SLC22A14: variants seen among roughly 807,000 people sequenced by gnomAD.
SLC22A14 encodes solute carrier family 22 member 14, also known as organic cation transporter-like 4.
SLC22A14 carries 50 observed loss-of-function variants against 53.9 expected under a neutral mutation model. The ratio of observed to expected loss-of-function variants is 0.93; its 90% CI spans 0.74 to 1.17. The LOEUF (loss-of-function observed/expected upper bound fraction) is 1.17, where lower values mean the gene tolerates loss of function less well. Among genes scored for constraint, SLC22A14 ranks in the 50% most tolerant of loss-of-function variants. SLC22A14 has a pLI of 0.00. For missense variants in SLC22A14, 671 were observed against 734.7 expected (o/e 0.91, Z 1.00); for synonymous variants, 312 against 303.0 (o/e 1.03, Z -0.31).
chr3:38,297,553 T>C lies in SLC22A14; in HGVS notation c.1-8474T>C, dbSNP rs568289985. On this transcript the variant is annotated intron_variant, in intron 1 of 10. Coordinates refer to ENST00000448498, the MANE Select transcript of SLC22A14 (RefSeq NM_001320033.2). ...GTCCCATGGTGGTTTGCTGCATGGA[T>C]CAATCCATCACCTAAGTATTAAGCC... Among the ~76,000 whole-genome samples, 8 of 152,270 alleles carry C rather than the reference T, an allele frequency of 5.3e-5. No homozygotes were observed. The South Asian group carries it at 1.5e-3, about 28-fold the overall frequency.
intron 1 of SLC22A14, among the ~76,000 whole-genome samples, chr3:38,298,616 C>T (rs140274689): frequency 3.3e-5 from 5 of 152,114 alleles, no homozygotes; most frequent in East Asian, 1.9e-4. Flanking sequence ...CAGGCAGTGG[C>T]GCCATCTCAG....
In SLC22A14 at chr3:38,315,682, C is replaced by T. The variant is rs1307209839; in HGVS notation, c.1503C>T (p.Tyr501=). 1.3e-5 allele frequency: 21 copies of T among 1,613,912 alleles called. No homozygotes were observed. Among genetic ancestry groups the T allele is most frequent in the East Asian group, 2.2e-5 (1 of 44,892 alleles). ...LAATVTVFFL[Y]TAELLPTVLR... ...CCACTGTCACTGTGTTCTTCCTCTACACCGCTGAGCTCCTCCCCACTGTGC... is the reference window on the plus strand; with the variant it reads ...CCACTGTCACTGTGTTCTTCCTCTATACCGCTGAGCTCCTCCCCACTGTGC... The change falls in exon 9 of 11, where the codon TAC becomes TAT. Residue 501 remains tyrosine (Y), a synonymous_variant. Transcript: ENST00000448498.
intron 1 of SLC22A14, among the ~76,000 whole-genome samples, chr3:38,289,701 T>C (rs1448653990): frequency 6.6e-6 from 1 of 152,146 alleles, no homozygotes; most frequent in Non-Finnish European, 1.5e-5. Flanking sequence ...GGAGTGGCAA[T>C]GGGCGCCTCA....
chr3:38,311,550 C>T, intron 5 of SLC22A14, among the ~76,000 whole-genome samples: 1 of 152,338 alleles, frequency 6.6e-6, no homozygotes, highest in African/African-American at 2.4e-5. Flanking sequence ...ATTTGTTTCT[C>T]TCTTCTCACA....
At position 38,316,413 on chromosome 3, in the gene SLC22A14, C is replaced by G; in HGVS notation, c.1622C>G (p.Pro541Arg). ...ATCAGCCAGACCCCCTCCCTCCTGC[C>G]CATCTTTCTCTGCTGCGTCTTAGCC... ...TIISQTPSLL[P>R]IFLCCVLAIV... The change falls in exon 10 of 11, where the codon CCC becomes CGC. Residue 541 changes from proline to arginine, a missense_variant. Pro to Arg is a moderately radical substitution (Grantham distance 103, BLOSUM62 -2). Transcript: ENST00000448498. 1 of 1,614,220 alleles carries G rather than the reference C, an allele frequency of 6.2e-7. No individual in the cohort carries two copies. The highest frequency in any genetic ancestry group is 8.5e-7 in the Non-Finnish European group (1 of 1,180,030).
chr3:38,290,124 G>A (rs1246251229), intron 1 of SLC22A14, among the ~76,000 whole-genome samples: 1 of 152,208 alleles, frequency 6.6e-6, no homozygotes, highest in Non-Finnish European at 1.5e-5. Flanking sequence ...CACCTTCCCA[G>A]ATAGGCTTAG....
At chr3:38,310,911 T>C (rs1227247709) in intron 5 of SLC22A14, among the ~76,000 whole-genome samples, 2 of 152,166 alleles carry the variant, frequency 1.3e-5, no homozygotes, top group African/African-American at 2.4e-5. Flanking sequence ...ATGGGCATCA[T>C]TCTCCGGGTT....
chr3:38,288,731 A>G lies in SLC22A14; in HGVS notation c.-1+6392A>G, dbSNP rs114854387. ...TTTAAAAAAATCATGTTAGTTTGAA[A>G]TGATTAAAAAAATTAATAATAGTCA... On this transcript the variant is annotated intron_variant, in intron 1 of 10. Coordinates refer to ENST00000448498, the MANE Select transcript of SLC22A14 (RefSeq NM_001320033.2). 2.1e-3 allele frequency among the ~76,000 whole-genome samples: 327 copies of G among 152,274 alleles called. 2 individuals carry two copies. Among genetic ancestry groups the G allele is most frequent in the African/African-American group, 7.1e-3 (295 of 41,548 alleles).
chr3:38,291,980 T>C (rs1703923111), intron 1 of SLC22A14, among the ~76,000 whole-genome samples: 1 of 152,250 alleles, frequency 6.6e-6, no homozygotes. Flanking sequence ...GGATACATTC[T>C]TCACTGAGGG....
At position 38,318,397 on chromosome 3, in the gene SLC22A14, G is replaced by A. The variant is rs1372517345; in HGVS notation, c.*148G>A. The A allele has an allele frequency of 8.2e-6, 6 of 734,998 alleles. No individual in the cohort carries two copies. The highest frequency in any genetic ancestry group is 1.4e-5 in the Non-Finnish European group (6 of 417,880). 45.5% of individuals were successfully genotyped at this position (734,998 alleles called of 1,614,324 possible). ...CAGGCCCCCAGACCATCTTGGGTTGGAATTGAGTGGCCAAGTATGGGGTCA... is the reference window on the plus strand; with the variant it reads ...CAGGCCCCCAGACCATCTTGGGTTGAAATTGAGTGGCCAAGTATGGGGTCA... On this transcript the variant is annotated 3_prime_UTR_variant, in exon 11 of 11. Coordinates refer to ENST00000448498, the MANE Select transcript of SLC22A14 (RefSeq NM_001320033.2).
At chr3:38,295,435 T>C (rs559235894) in intron 1 of SLC22A14, among the ~76,000 whole-genome samples, 53 of 152,352 alleles carry the variant, frequency 3.5e-4, no homozygotes, top group Non-Finnish European at 5.4e-4. Flanking sequence ...ACAGATTGAA[T>C]GCATTTGGGC....
At chr3:38,290,404 C>T (rs957245613) in intron 1 of SLC22A14, among the ~76,000 whole-genome samples, 16 of 152,226 alleles carry the variant, frequency 1.1e-4, no homozygotes, top group African/African-American at 3.4e-4. Context: ...ATTTGAAGAT[C>T]GATTTGTAGT....
chr3:38,318,303 AC>A lies in SLC22A14; in HGVS notation c.*57del. The A allele has an allele frequency of 6.7e-7, 1 of 1,493,496 alleles. No individual in the cohort carries two copies. The highest frequency in any genetic ancestry group is 9.3e-7 in the Non-Finnish European group (1 of 1,069,874). 92.5% of individuals were successfully genotyped at this position (1,493,496 alleles called of 1,614,324 possible). On this transcript the variant is annotated 3_prime_UTR_variant, in exon 11 of 11. Transcript: ENST00000448498. ...GCCCAGATCCTGAGATTGGACCCAT[AC>A]CCTGTCTCCAACCCTGCCTTGAAGC... is the stretch of plus-strand genomic sequence containing the variant.
chr3:38,290,251 C>T (rs996154775), intron 1 of SLC22A14, among the ~76,000 whole-genome samples: 3 of 152,100 alleles, frequency 2.0e-5, no homozygotes, highest in African/African-American at 2.4e-5. Context: ...CTGCTTCCTG[C>T]GGAATTGGGG....
chr3:38,303,578 G>A (rs550736088), intron 1 of SLC22A14, among the ~76,000 whole-genome samples: 62 of 151,236 alleles, frequency 4.1e-4, no homozygotes, highest in Non-Finnish European at 6.5e-4. Flanking sequence ...CTATCCTCGT[G>A]GGTTAGAAGA....
chr3:38,299,169 T>C (rs1013950802), intron 1 of SLC22A14, among the ~76,000 whole-genome samples: 2 of 152,230 alleles, frequency 1.3e-5, no homozygotes, highest in African/African-American at 4.8e-5. Context: ...GATTACTTCT[T>C]TGTACTGGTT....
intron 1 of SLC22A14, among the ~76,000 whole-genome samples, chr3:38,283,490 G>A (rs1389737710): frequency 6.6e-6 from 1 of 152,088 alleles, no homozygotes; most frequent in Admixed American, 6.6e-5. Context: ...CAAGTGAAAT[G>A]GGGAAATGGT....
chr3:38,280,957 C>T (rs190556286), upstream of SLC22A14, among the ~76,000 whole-genome samples: 116 of 152,302 alleles, frequency 7.6e-4, no homozygotes, highest in African/African-American at 2.2e-3. Context: ...GTAACCAAAA[C>T]AAACCAAAAC....
At position 38,307,127 on chromosome 3, in the gene SLC22A14, C is replaced by A; in HGVS notation, c.517-127C>A. 2 of 716,172 alleles carry A rather than the reference C, an allele frequency of 2.8e-6. No individual in the cohort carries two copies. The highest frequency in any genetic ancestry group is 1.5e-5 in the South Asian group (1 of 65,094). The allele number at this position is 716,172 out of a possible 1,614,324, so 44.4% of individuals were successfully genotyped here. ...AACAGAGCAGAGGCAACAGCTGAGGCACGCTGCACACTGTTAACTGCCCCT... is the reference window on the plus strand; with the variant it reads ...AACAGAGCAGAGGCAACAGCTGAGGAACGCTGCACACTGTTAACTGCCCCT... On this transcript the variant is annotated intron_variant, in intron 2 of 10. Transcript: ENST00000448498. This position sits in a 1 kb window ranked among gnomAD's most constrained non-coding sequence, Gnocchi z 4.4.
Sources: gnomAD v4.1 joint callset for allele counts (sites outside exome capture counted in the v4.1 genomes callset) on GRCh38, gnomAD v4.1.1 for gene constraint, Gnocchi (gnomAD v3.1) non-coding constraint, MANE v1.5 for transcripts, NCBI Gene and HGNC (gene_info 2026-07-23, HGNC 2026-07-21) for gene names.